UTRN: variants seen among roughly 807,000 people sequenced by gnomAD.
UTRN encodes the protein dystrophin-related protein 1.
A neutral mutation model predicts 463.9 loss-of-function variants in UTRN; 283 were observed. That is an observed-to-expected ratio of 0.61 (90% CI 0.55 to 0.67). The LOEUF (loss-of-function observed/expected upper bound fraction) is 0.67. Among genes scored for constraint, UTRN ranks in the 30% least tolerant of loss-of-function variants. The pLI is 0.00. For synonymous variants in UTRN, 1,442 were observed against 1,431.5 expected (o/e 1.01, Z -0.17); for missense variants, 3,922 against 4,084.3 (o/e 0.96, Z 1.08).
chr6:144,791,839 T>C (rs1450603665), intron 62 of UTRN, among the ~76,000 whole-genome samples: 1 of 152,218 alleles, frequency 6.6e-6, no homozygotes, highest in African/African-American at 2.4e-5. Context: ...AATAGTGGCA[T>C]AGTGGTATAG....
intron 2 of UTRN, among the ~76,000 whole-genome samples, chr6:144,327,363 A>G (rs978069588): frequency 1.3e-5 from 2 of 152,100 alleles, no homozygotes; most frequent in African/African-American, 4.8e-5. Context: ...ATGCTGTGGT[A>G]TTTATTCTTC....
chr6:144,829,101 C>T (rs190893932), intron 69 of UTRN, among the ~76,000 whole-genome samples: 14 of 152,224 alleles, frequency 9.2e-5, no homozygotes, highest in Admixed American at 6.5e-4. Flanking sequence ...ATATACCCCA[C>T]GAAAATCAGA....
intron 16 of UTRN, among the ~76,000 whole-genome samples, 193 bp from the exon 17 acceptor site, chr6:144,448,407 G>A (rs1787908609): frequency 6.6e-6 from 1 of 152,174 alleles, no homozygotes; most frequent in African/African-American, 2.4e-5. Flanking sequence ...GGGAGTGTTG[G>A]TTTATGGCTA....
intron 2 of UTRN, chr6:144,398,660 C>G (rs774649738): frequency 1.3e-5 from 2 of 156,330 alleles, no homozygotes; most frequent in Non-Finnish European, 2.9e-5. Context: ...CCCCTGGGAT[C>G]AAGAAAATAC....
intron 50 of UTRN, among the ~76,000 whole-genome samples, chr6:144,566,715 C>A (rs369192711): frequency 2.0e-5 from 3 of 152,252 alleles, no homozygotes; most frequent in East Asian, 3.9e-4. Context: ...ATGTGTTGTG[C>A]TTTCTACAGT....
chr6:144,644,340 A>T (rs1263223894), intron 51 of UTRN, among the ~76,000 whole-genome samples: 1 of 152,196 alleles, frequency 6.6e-6, no homozygotes, highest in Non-Finnish European at 1.5e-5. Context: ...TAGGTTCAAT[A>T]CTTTTCTAAA....
At chr6:144,664,875 A>G (rs1313570752) in intron 51 of UTRN, among the ~76,000 whole-genome samples, 1 of 150,632 alleles carries the variant, frequency 6.6e-6, no homozygotes, top group Non-Finnish European at 1.5e-5. Context: ...TTATTTAAGT[A>G]ATATATATAT....
At chr6:144,774,420 T>C in intron 60 of UTRN, 56 bp downstream of exon 60, 1 of 1,491,308 alleles carries the variant, frequency 6.7e-7, no homozygotes, top group Non-Finnish European at 9.1e-7. Flanking sequence ...TTTTTTTTTT[T>C]TCCAAGAGGA....
intron 49 of UTRN, 107 bp downstream of exon 49, chr6:144,555,000 A>T: frequency 7.9e-7 from 1 of 1,258,702 alleles, no homozygotes; most frequent in Non-Finnish European, 1.1e-6. Context: ...TTTTTTCCTA[A>T]GTTCTTAGAG....
rs1785316049 is a variant in UTRN at position 144,708,459 on chromosome 6, A to G, written c.7809+8216A>G. The G allele has an allele frequency of 2.8e-5, 17 of 607,126 alleles. No individual in the cohort carries two copies. The South Asian group carries it at 3.0e-4, about 11-fold the overall frequency. The allele number at this position is 607,126 out of a possible 1,614,324, so 37.6% of individuals were successfully genotyped here. A position where few individuals can be genotyped will look rare whatever the true frequency, so the allele number is the denominator to read the frequency against. On this transcript the variant is annotated intron_variant, in intron 53 of 74. Transcript: ENST00000367545. The stretch of plus-strand genomic sequence containing the variant: ...GAGGCTCTGACTCCTCGGGCCTCTG[A>G]CTCCTCACGCCTTCATCCCCTCTGA...
intron 48 of UTRN, among the ~76,000 whole-genome samples, chr6:144,553,461 C>T (rs1799104690): frequency 6.6e-6 from 1 of 152,164 alleles, no homozygotes; most frequent in African/African-American, 2.4e-5. Context: ...TGGTACTTAA[C>T]TATAGCCTTT....
chr6:144,570,608 AT>A (rs1800850483), intron 50 of UTRN, among the ~76,000 whole-genome samples: 1 of 152,308 alleles, frequency 6.6e-6, no homozygotes, highest in Admixed American at 6.5e-5. Flanking sequence ...CAAAGTGAAT[AT>A]TTTTTAAAGT....
chr6:144,583,688 T>C (rs1157136652), intron 51 of UTRN: 1 of 463,630 alleles, frequency 2.2e-6, no homozygotes, highest in African/African-American at 2.0e-5. Context: ...CAGGTTCTTA[T>C]CAAGGAAAGA....
intron 2 of UTRN, among the ~76,000 whole-genome samples, chr6:144,343,330 C>T (rs181185685): frequency 6.7e-6 from 1 of 150,154 alleles, no homozygotes; most frequent in African/African-American, 2.5e-5. Flanking sequence ...TCGAGACCAG[C>T]CTGACCAACA....
intron 51 of UTRN, among the ~76,000 whole-genome samples, chr6:144,591,814 T>A (rs1338709738): frequency 6.6e-6 from 1 of 152,152 alleles, no homozygotes; most frequent in Non-Finnish European, 1.5e-5. Flanking sequence ...AGTTCTTGAT[T>A]CTTGGCTCAA....
chr6:144,553,785 C>T (rs1799137962), intron 48 of UTRN, among the ~76,000 whole-genome samples: 1 of 151,962 alleles, frequency 6.6e-6, no homozygotes, highest in African/African-American at 2.4e-5. Context: ...TGGCACACAC[C>T]TATAGTCCCA....
chr6:144,745,035 C>G (rs989636518), intron 54 of UTRN, among the ~76,000 whole-genome samples: 7 of 152,194 alleles, frequency 4.6e-5, no homozygotes, highest in Non-Finnish European at 8.8e-5. Context: ...AGGGAAATCA[C>G]TACCTTTTGG....
chr6:144,301,217 CAT>C (rs1805215823), intron 2 of UTRN, among the ~76,000 whole-genome samples: 1 of 152,164 alleles, frequency 6.6e-6, no homozygotes, highest in Non-Finnish European at 1.5e-5. Context: ...ATAATGTTAA[CAT>C]ATCAGACCCT....
At chr6:144,829,010 A>G (rs1011663369) in intron 69 of UTRN, among the ~76,000 whole-genome samples, 155 bp downstream of exon 69, 2 of 152,168 alleles carry the variant, frequency 1.3e-5, no homozygotes, top group South Asian at 4.1e-4. Context: ...TATGCTTTCA[A>G]ACCATGATAG....
Sources: allele counts gnomAD v4.1 joint callset (sites outside exome capture counted in the v4.1 genomes callset), GRCh38; gene constraint gnomAD v4.1.1; transcripts MANE v1.5; gene names NCBI Gene and HGNC (gene_info 2026-07-23, HGNC 2026-07-21).